DNAH14: variants seen among roughly 807,000 people sequenced by gnomAD.
DNAH14 encodes the protein axonemal beta dynein heavy chain 14.
A neutral mutation model predicts 520.9 loss-of-function variants in DNAH14; 478 were observed. That is an observed-to-expected ratio of 0.92 (90% CI 0.85 to 0.99). DNAH14 has a LOEUF of 0.99. Among genes scored for constraint, DNAH14 ranks in the 50% least tolerant of loss-of-function variants. The pLI, the probability that DNAH14 is intolerant of heterozygous loss-of-function variation, is 0.00. For synonymous variants in DNAH14, 1,581 were observed against 1,757.2 expected, an observed-to-expected ratio of 0.90 and a Z score of 2.51; for missense variants, 4,831 against 5,234.5, an observed-to-expected ratio of 0.92 and a Z score of 2.38.
chr1:225,112,263 T>C (rs1373306831), intron 23 of DNAH14, among the ~76,000 whole-genome samples: 2 of 152,202 alleles, frequency 1.3e-5, no homozygotes, highest in East Asian at 3.8e-4. Context: ...AAAGCTTTTT[T>C]TCCTTCTGCA....
intron 26 of DNAH14, 25 bp from the exon 27 acceptor site, chr1:225,123,501 AC>A (rs1294029035): frequency 4.9e-6 from 2 of 407,006 alleles, no homozygotes; most frequent in African/African-American, 4.1e-5. Context: ...AGTATAAATA[AC>A]ATAAATAAAT....
intron 35 of DNAH14, among the ~76,000 whole-genome samples, chr1:225,160,406 C>G (rs768806209): frequency 1.1e-4 from 16 of 152,130 alleles, no homozygotes; most frequent in Non-Finnish European, 1.6e-4. Flanking sequence ...ACTTTATACA[C>G]AACAAGCACA....
At chr1:225,280,006 T>C (rs1436626282) in intron 54 of DNAH14, among the ~76,000 whole-genome samples, 2 of 151,600 alleles carry the variant, frequency 1.3e-5, no homozygotes, top group Admixed American at 6.6e-5. Flanking sequence ...ATTTTACAAA[T>C]TGGAATGTCT....
chr1:224,950,574 C>T (rs574034598), intron 1 of DNAH14, among the ~76,000 whole-genome samples: 1 of 152,140 alleles, frequency 6.6e-6, no homozygotes, highest in Admixed American at 6.5e-5. Flanking sequence ...TTTGAGCAAC[C>T]TTTCTTGTTT....
At chr1:225,395,556 C>A (rs1471716044) in intron 84 of DNAH14, among the ~76,000 whole-genome samples, 1 of 146,018 alleles carries the variant, frequency 6.8e-6, no homozygotes, top group Non-Finnish European at 1.5e-5. Flanking sequence ...CGCGCCACTG[C>A]GCTCCAGCCT....
intron 79 of DNAH14, among the ~76,000 whole-genome samples, chr1:225,378,928 T>C (rs1051844977): frequency 1.2e-4 from 18 of 148,866 alleles, no homozygotes; most frequent in Admixed American, 1.1e-3. Flanking sequence ...GGCTAGTAAA[T>C]AGAGCAGCAG....
Position 225,175,550 on chromosome 1 carries a change from T to C in DNAH14, c.5535+7522T>C, listed in dbSNP as rs542564793. Among the ~76,000 whole-genome samples, 7 of 152,170 alleles carry C rather than the reference T, an allele frequency of 4.6e-5. No individual in the cohort carries two copies. The East Asian group carries it at 1.3e-3, about 29-fold the overall frequency. ...TTTATTGTTAGTCTAGTGAAAGATTTGTTGATTTTTAAAAATCTTTTCAAT... is the reference window on the plus strand; with the variant it reads ...TTTATTGTTAGTCTAGTGAAAGATTCGTTGATTTTTAAAAATCTTTTCAAT... On this transcript the variant is annotated intron_variant, in intron 36 of 85. Coordinates refer to ENST00000682510, the MANE Select transcript of DNAH14 (RefSeq NM_001367479.1).
intron 17 of DNAH14, among the ~76,000 whole-genome samples, chr1:225,056,655 T>C (rs895401585): frequency 2.0e-5 from 3 of 152,228 alleles, no homozygotes; most frequent in Admixed American, 2.0e-4. Flanking sequence ...AGGGTTCTTA[T>C]GGTTTTAGGT....
chr1:225,023,047 A>G (rs999214548), intron 10 of DNAH14, among the ~76,000 whole-genome samples: 64 of 152,152 alleles, frequency 4.2e-4, no homozygotes, highest in African/African-American at 1.4e-3. Context: ...ATAGTTACAC[A>G]TGGGCAGGAA....
At chr1:225,006,414 C>T (rs1350396776) in intron 9 of DNAH14, among the ~76,000 whole-genome samples, 1 of 152,136 alleles carries the variant, frequency 6.6e-6, no homozygotes. Flanking sequence ...TCATATTTCT[C>T]TTCTTGCAGA....
chr1:225,160,590 T>C (rs1243465444), intron 35 of DNAH14, among the ~76,000 whole-genome samples: 1 of 152,126 alleles, frequency 6.6e-6, no homozygotes, highest in East Asian at 1.9e-4. Context: ...AATTTATGAA[T>C]TTAAAATTTA....
intron 21 of DNAH14, among the ~76,000 whole-genome samples, chr1:225,090,911 G>A (rs2074323893): frequency 6.6e-6 from 1 of 152,040 alleles, no homozygotes. Context: ...CTCCTATAAA[G>A]ACACTTTTAA....
At chr1:225,348,819 G>A (rs1156663631) in intron 71 of DNAH14, among the ~76,000 whole-genome samples, 1 of 152,206 alleles carries the variant, frequency 6.6e-6, no homozygotes, top group African/African-American at 2.4e-5. Context: ...TGTGGATAAA[G>A]ATAGTAACCT....
intron 21 of DNAH14, among the ~76,000 whole-genome samples, chr1:225,096,077 C>T (rs1422882868): frequency 6.6e-6 from 1 of 152,218 alleles, no homozygotes; most frequent in Admixed American, 6.5e-5. Flanking sequence ...GGCATTTCCC[C>T]TGCCTCTGCC....
intron 8 of DNAH14, among the ~76,000 whole-genome samples, chr1:224,995,379 CCCTGG>C (rs1466022959): frequency 6.6e-6 from 1 of 151,836 alleles, no homozygotes; most frequent in East Asian, 1.9e-4. Flanking sequence ...TCCCATTCTT[CCCTGG>C]CCTACAGAGT....
At chr1:225,062,328 GAAAT>G (rs1230364396) in intron 17 of DNAH14, among the ~76,000 whole-genome samples, 1 of 152,016 alleles carries the variant, frequency 6.6e-6, no homozygotes, top group Non-Finnish European at 1.5e-5. Context: ...GAAAGAAAGA[GAAAT>G]AAATAAATAA....
chr1:225,363,532 A>G (rs554267779), intron 75 of DNAH14, among the ~76,000 whole-genome samples: 2 of 152,250 alleles, frequency 1.3e-5, no homozygotes, highest in Admixed American at 1.3e-4. Context: ...ACCATACCCT[A>G]AATCTCCTTT....
In DNAH14 at chr1:225,335,294, T is replaced by TAC. The variant is rs2094921564; in HGVS notation, c.10080+1792_10080+1793dup. On this transcript the variant is annotated intron_variant, in intron 66 of 85. Coordinates refer to ENST00000682510, the MANE Select transcript of DNAH14 (RefSeq NM_001367479.1). ...TGTACATTGTGTGTATATGCACATA[T>TAC]ACACATGTGTACACGTGTGTATATG... 1.9e-5 allele frequency among the ~76,000 whole-genome samples: 2 copies of TAC among 105,138 alleles called. 1 individual carries two copies. Among genetic ancestry groups the TAC allele is most frequent in the South Asian group, 7.1e-4 (2 of 2,824 alleles). The allele number at this position is 105,138 out of a possible 152,430, so 69.0% of individuals were successfully genotyped here.
chr1:224,940,332 C>G (rs1172249838), intron 1 of DNAH14, among the ~76,000 whole-genome samples: 2 of 152,038 alleles, frequency 1.3e-5, no homozygotes, highest in Non-Finnish European at 2.9e-5. Flanking sequence ...CTAAGACCAG[C>G]CCAGATTTAA....
Sources: gnomAD v4.1 joint callset for allele counts (sites outside exome capture counted in the v4.1 genomes callset) on GRCh38, gnomAD v4.1.1 for gene constraint, MANE v1.5 for transcripts, NCBI Gene and HGNC (gene_info 2026-07-23, HGNC 2026-07-21) for gene names.